The following FMNL2 variants were observed in gnomAD, a reference collection of about 807,000 sequenced individuals.
FMNL2 encodes formin-like protein 2.
In FMNL2, 51 loss-of-function variants were observed where a neutral mutation model predicts 130.2. The observed-to-expected ratio is 0.39, with a 90% CI of 0.31 to 0.49. The LOEUF (loss-of-function observed/expected upper bound fraction) is 0.49, where lower values mean the gene tolerates loss of function less well. Ranked by LOEUF, FMNL2 falls within the 20% of genes least tolerant of loss-of-function variation. The probability of loss-of-function intolerance (pLI) is 0.85; values close to 1 mark genes in which losing one functional copy is unlikely to be tolerated. For synonymous variants in FMNL2, 465 were observed against 467.1 expected (o/e 1.00, Z 0.06); for missense variants, 977 against 1,316.2 (o/e 0.74, Z 3.99).
intron 1 of FMNL2, among the ~76,000 whole-genome samples, chr2:152,360,578 T>A (rs1021377421): frequency 2.5e-4 from 38 of 152,198 alleles, no homozygotes; most frequent in African/African-American, 6.8e-4. Context: ...TGGCCTACTC[T>A]GAAGGAATTA....
intron 6 of FMNL2, among the ~76,000 whole-genome samples, chr2:152,569,159 G>A (rs1696027861): frequency 7.0e-6 from 1 of 142,714 alleles, no homozygotes; most frequent in South Asian, 2.2e-4. Flanking sequence ...TTTAAAGACA[G>A]CAAAACATGA....
At chr2:152,579,333 C>T (rs1356397320) in intron 8 of FMNL2, among the ~76,000 whole-genome samples, 1 of 152,160 alleles carries the variant, frequency 6.6e-6, no homozygotes, top group Non-Finnish European at 1.5e-5. Context: ...TAGCTAAAAC[C>T]ACCATCCTTC....
intron 1 of FMNL2, among the ~76,000 whole-genome samples, chr2:152,348,856 C>G (rs1309660769): frequency 1.2e-5 from 1 of 85,218 alleles, no homozygotes; most frequent in Non-Finnish European, 2.0e-5. Flanking sequence ...GAGACGGAGT[C>G]TCGCTCTGTC....
chr2:152,490,952 T>TG (rs1691150813), intron 1 of FMNL2, among the ~76,000 whole-genome samples: 1 of 152,160 alleles, frequency 6.6e-6, no homozygotes. Flanking sequence ...CCTTCCATCT[T>TG]GCCTGCCATG....
At chr2:152,575,269 TA>T (rs747211392) in intron 7 of FMNL2, 25 bp downstream of exon 7, 40 of 1,469,594 alleles carry the variant, frequency 2.7e-5, no homozygotes, top group Non-Finnish European at 3.4e-5. Context: ...CTGGTTCTTT[TA>T]AAAAAAACCT....
chr2:152,462,350 A>G (rs1056969903), intron 1 of FMNL2, among the ~76,000 whole-genome samples: 11 of 152,186 alleles, frequency 7.2e-5, no homozygotes, highest in African/African-American at 2.2e-4. Flanking sequence ...TTAGGAGAAT[A>G]GCTTAGACCA....
At chr2:152,607,640 A>G (rs1013162427) in intron 10 of FMNL2, 2 of 368,810 alleles carry the variant, frequency 5.4e-6, no homozygotes, top group Admixed American at 8.2e-5. Flanking sequence ...AGACAAAAGT[A>G]CTAATCATAG....
intron 6 of FMNL2, among the ~76,000 whole-genome samples, chr2:152,564,776 G>GTTTTTTTTTTTTTTTTTTT (rs56378937): frequency 1.3e-5 from 1 of 79,342 alleles, no homozygotes; most frequent in African/African-American, 4.8e-5. Flanking sequence ...TACAAGGTTG[G>GTTTTTTTTTTTTTTTTTTT]TTTTTTTTTT....
Position 152,468,454 on chromosome 2 carries a change from C to G in FMNL2, c.118-53489C>G, listed in dbSNP as rs116568848. Among the ~76,000 whole-genome samples, 477 of 151,960 alleles carry G rather than the reference C, an allele frequency of 3.1e-3. 1 individual carries two copies. Among genetic ancestry groups the G allele is most frequent in the Admixed American group, 8.0e-3 (122 of 15,268 alleles). On this transcript the variant is annotated intron_variant, in intron 1 of 25. Transcript: ENST00000288670. ...TTTGGAACAACTTGGGTATGTGAAC[C>G]TGTTTTTTTTTCATTTGTATATTTT...
At chr2:152,627,345 A>G (rs1165723669) in intron 17 of FMNL2, among the ~76,000 whole-genome samples, 1 of 152,228 alleles carries the variant, frequency 6.6e-6, no homozygotes, top group Non-Finnish European at 1.5e-5. Context: ...CTCCTCTATT[A>G]GAAGAATCCT....
chr2:152,597,862 C>A (rs1697848645), intron 9 of FMNL2, among the ~76,000 whole-genome samples: 1 of 152,214 alleles, frequency 6.6e-6, no homozygotes, highest in African/African-American at 2.4e-5. Context: ...AATCCTTCTG[C>A]TTAAGACCCA....
chr2:152,426,809 A>G (rs1687225187), intron 1 of FMNL2, among the ~76,000 whole-genome samples: 1 of 152,232 alleles, frequency 6.6e-6, no homozygotes, highest in Non-Finnish European at 1.5e-5. Context: ...CCATAAGGAA[A>G]TATATTTAAA....
At position 152,647,842 on chromosome 2, in the gene FMNL2, C is replaced by A. The variant is rs369805272; in HGVS notation, c.3216C>A (p.Ser1072Arg). Residue 1072 changes from serine to arginine, a missense_variant, in exon 26 of 26, where the codon AGC becomes AGA. Ser to Arg is a moderately radical substitution (Grantham distance 110). Around this residue, in one of 4 missense-constraint regions of FMNL2, gnomAD observed 168 missense variants for 168.8 expected, o/e 1.00. Transcript: ENST00000288670. ...PYRRADAVRR[S>R]VRRRFDDQNL... ...GACGAGCCGATGCGGTGAGGAGAAG[C>A]GTCAGGCGGCGCTTTGATGATCAGA... 13 of 1,613,852 alleles carry A rather than the reference C, an allele frequency of 8.1e-6. No individual in the cohort carries two copies. Among genetic ancestry groups the A allele is most frequent in the Non-Finnish European group, 1.0e-5 (12 of 1,179,842 alleles).
At chr2:152,514,422 G>T (rs1692650154) in intron 1 of FMNL2, among the ~76,000 whole-genome samples, 1 of 152,088 alleles carries the variant, frequency 6.6e-6, no homozygotes, top group African/African-American at 2.4e-5. Flanking sequence ...CTTCTCCTGT[G>T]TTCATGCCTT....
chr2:152,407,611 C>G (rs2105986960), intron 1 of FMNL2, among the ~76,000 whole-genome samples: 1 of 152,302 alleles, frequency 6.6e-6, no homozygotes, highest in Admixed American at 6.5e-5. Flanking sequence ...AGCATTTTGG[C>G]TGAATTTTGA....
intron 1 of FMNL2, among the ~76,000 whole-genome samples, chr2:152,367,737 T>C (rs1371662783): frequency 6.6e-6 from 1 of 152,196 alleles, no homozygotes; most frequent in Non-Finnish European, 1.5e-5. Context: ...TATTTTTCAG[T>C]GTTTTCTTGT....
chr2:152,496,840 C>T (rs1691542470), intron 1 of FMNL2, among the ~76,000 whole-genome samples: 1 of 151,906 alleles, frequency 6.6e-6, no homozygotes. Flanking sequence ...GTTCTTTTGA[C>T]ATGTTCCAAT....
At chr2:152,558,623 G>A in intron 4 of FMNL2, 117 bp from the exon 5 acceptor site, 1 of 857,442 alleles carries the variant, frequency 1.2e-6, no homozygotes, top group African/African-American at 1.7e-5. Flanking sequence ...TCCTCCCTAT[G>A]TCCTTTCAGG....
chr2:152,628,188 T>G, intron 17 of FMNL2, 111 bp from the exon 18 acceptor site: 36 of 877,096 alleles, frequency 4.1e-5, no homozygotes, highest in Non-Finnish European at 5.8e-5. Flanking sequence ...TGGTGTTTGA[T>G]GAGCTGTACC....
Sources: allele counts gnomAD v4.1 joint callset (sites outside exome capture counted in the v4.1 genomes callset), GRCh38; gene constraint gnomAD v4.1.1; regional missense constraint gnomAD v4.1.1; transcripts MANE v1.5; gene names NCBI Gene and HGNC (gene_info 2026-07-23, HGNC 2026-07-21).